MND1: variants seen among roughly 807,000 people sequenced by gnomAD.
MND1 encodes the protein meiotic nuclear division protein 1 homolog.
MND1 carries 28 observed loss-of-function variants against 35.1 expected under a neutral mutation model. That is an observed-to-expected ratio of 0.80 (90% CI 0.59 to 1.09). The LOEUF is 1.09. Ranked by LOEUF, MND1 falls within the 50% of genes least tolerant of loss-of-function variation. The pLI, the probability that MND1 is intolerant of heterozygous loss-of-function variation, is 0.00. For missense variants in MND1, 213 were observed against 239.6 expected, an observed-to-expected ratio of 0.89 and a Z score of 0.73; for synonymous variants, 69 against 70.5, an observed-to-expected ratio of 0.98 and a Z score of 0.11.
At chr4:153,346,067 G>C (rs1343296075) in intron 1 of MND1, among the ~76,000 whole-genome samples, 1 of 152,196 alleles carries the variant, frequency 6.6e-6, no homozygotes, top group African/African-American at 2.4e-5. Context: ...CTTTTGATAA[G>C]ATGTGGACTT....
chr4:153,385,975 A>T (rs570581692), intron 4 of MND1, among the ~76,000 whole-genome samples: 1 of 152,230 alleles, frequency 6.6e-6, no homozygotes, highest in South Asian at 2.1e-4. Context: ...CTTTGAACTC[A>T]TGTAGACAGT....
chr4:153,348,352 G>T (rs1411679910), intron 1 of MND1, among the ~76,000 whole-genome samples: 1 of 152,278 alleles, frequency 6.6e-6, no homozygotes, highest in Non-Finnish European at 1.5e-5. Context: ...TAGACTGACG[G>T]AGTTGAAGTT....
chr4:153,383,451 T>C (rs1728764067), intron 4 of MND1, among the ~76,000 whole-genome samples: 1 of 152,216 alleles, frequency 6.6e-6, no homozygotes, highest in African/African-American at 2.4e-5. Context: ...TTAGCTTAAA[T>C]ATATCCTAGG....
chr4:153,406,523 GA>G (rs1211031169), intron 6 of MND1, among the ~76,000 whole-genome samples: 1 of 151,408 alleles, frequency 6.6e-6, no homozygotes, highest in East Asian at 1.9e-4. Context: ...ATCACAAAAA[GA>G]AAAAAAGAAA....
chr4:153,387,649 G>A (rs1004317087), intron 4 of MND1, among the ~76,000 whole-genome samples: 4 of 151,846 alleles, frequency 2.6e-5, no homozygotes, highest in East Asian at 3.9e-4. Flanking sequence ...ACCTGTAGTC[G>A]TAGCTACTCA....
chr4:153,375,018 G>C lies in MND1; in HGVS notation c.276+16396G>C, dbSNP rs569244015. ...AATTGGTAAGGCAAAATGAATTCCT[G>C]ATATAGTTAATTAACTTATTGGAAA... On this transcript the variant is annotated intron_variant, in intron 4 of 7. Transcript: ENST00000240488. Among the ~76,000 whole-genome samples the C allele has an allele frequency of 2.6e-5, 4 of 152,246 alleles. No individual in the cohort carries two copies. In the East Asian group the frequency reaches 7.7e-4, roughly 29 times the overall value.
chr4:153,406,100 G>A (rs773366029), intron 6 of MND1, among the ~76,000 whole-genome samples: 5 of 151,992 alleles, frequency 3.3e-5, no homozygotes, highest in African/African-American at 7.2e-5. Context: ...GTGCCAGGCC[G>A]GATTTATATT....
At chr4:153,413,756 C>T (rs560291494) in intron 7 of MND1, among the ~76,000 whole-genome samples, 1 of 151,778 alleles carries the variant, frequency 6.6e-6, no homozygotes, top group African/African-American at 2.4e-5. Flanking sequence ...TGTGAGCACA[C>T]TGTCACGGTC....
chr4:153,379,030 T>C (rs945059020), intron 4 of MND1, among the ~76,000 whole-genome samples: 2 of 152,132 alleles, frequency 1.3e-5, no homozygotes, highest in Admixed American at 6.5e-5. Flanking sequence ...GACTCACGTC[T>C]GTAATCCCAG....
chr4:153,385,553 G>GAA (rs1561070463), intron 4 of MND1, among the ~76,000 whole-genome samples: 1 of 151,524 alleles, frequency 6.6e-6, no homozygotes, highest in East Asian at 1.9e-4. Flanking sequence ...CTGCCTCTAC[G>GAA]AAAAATACAA....
intron 3 of MND1, among the ~76,000 whole-genome samples, chr4:153,357,239 C>T (rs568457571): frequency 1.5e-4 from 23 of 152,300 alleles, no homozygotes; most frequent in Admixed American, 7.2e-4. Flanking sequence ...CTGAGAGTCC[C>T]TCACACTTTT....
chr4:153,399,213 T>C (rs1392731467), intron 6 of MND1, among the ~76,000 whole-genome samples: 1 of 152,156 alleles, frequency 6.6e-6, no homozygotes, highest in Non-Finnish European at 1.5e-5. Flanking sequence ...CCTGTTTCAT[T>C]CTCTTATATG....
chr4:153,359,990 A>G (rs1245742323), intron 4 of MND1, among the ~76,000 whole-genome samples: 1 of 151,620 alleles, frequency 6.6e-6, no homozygotes, highest in African/African-American at 2.4e-5. Flanking sequence ...TTTCACCATG[A>G]TGGCCAAGCT....
intron 6 of MND1, among the ~76,000 whole-genome samples, chr4:153,405,717 C>T (rs189744890): frequency 3.5e-4 from 53 of 152,218 alleles, no homozygotes; most frequent in Non-Finnish European, 1.2e-4. Flanking sequence ...TAATCTGAAC[C>T]CCCACCTTAC....
chr4:153,414,932 T>C lies in MND1; in HGVS notation c.*75T>C, dbSNP rs962956694. On this transcript the variant is annotated 3_prime_UTR_variant, in exon 8 of 8. Coordinates refer to ENST00000240488, the MANE Select transcript of MND1 (RefSeq NM_032117.4). ...TAAACTATTATCTAACTAAGTGTACTGAATTGTCGTTTGCCTGTAACTGTG... is the reference window on the plus strand; with the variant it reads ...TAAACTATTATCTAACTAAGTGTACCGAATTGTCGTTTGCCTGTAACTGTG... The C allele has an allele frequency of 2.0e-5, 12 of 604,928 alleles. No individual in the cohort carries two copies. Among genetic ancestry groups the C allele is most frequent in the Non-Finnish European group, 3.4e-5 (12 of 354,636 alleles). The allele number at this position is 604,928 out of a possible 1,614,324, so 37.5% of individuals were successfully genotyped here.
chr4:153,365,221 T>G (rs7673039), intron 4 of MND1, among the ~76,000 whole-genome samples: 1 of 152,134 alleles, frequency 6.6e-6, no homozygotes, highest in Non-Finnish European at 1.5e-5. Context: ...AAGTAAATAA[T>G]TGGGGTTTCT....
chr4:153,345,306 C>T, intron 1 of MND1: 1 of 981,472 alleles, frequency 1.0e-6, no homozygotes, highest in Non-Finnish European at 1.2e-6. Context: ...CATTCCAGAA[C>T]TGCTCAGTTT....
At chr4:153,376,227 T>C (rs1728502110) in intron 4 of MND1, among the ~76,000 whole-genome samples, 1 of 152,182 alleles carries the variant, frequency 6.6e-6, no homozygotes, top group Admixed American at 6.5e-5. Flanking sequence ...GAATTTTAGC[T>C]GGAACTTGTT....
intron 6 of MND1, among the ~76,000 whole-genome samples, chr4:153,406,906 G>A (rs1436881613): frequency 6.6e-6 from 1 of 152,216 alleles, no homozygotes; most frequent in East Asian, 1.9e-4. Flanking sequence ...ATGGTGGAAG[G>A]TGAAAGGTAC....
Sources: allele counts gnomAD v4.1 joint callset (sites outside exome capture counted in the v4.1 genomes callset), GRCh38; gene constraint gnomAD v4.1.1; transcripts MANE v1.5; gene names NCBI Gene and HGNC (gene_info 2026-07-23, HGNC 2026-07-21).